SMG1: variants seen among roughly 807,000 people sequenced by gnomAD.
The protein encoded by SMG1 is serine/threonine-protein kinase SMG1.
SMG1 carries 22 observed loss-of-function variants against 419.9 expected under a neutral mutation model. That is an observed-to-expected ratio of 0.05 (90% CI 0.04 to 0.07). SMG1 has a LOEUF of 0.07. SMG1 is among the 10% of genes least tolerant of loss of function. The probability of loss-of-function intolerance (pLI) is 1.00; values close to 1 mark genes in which losing one functional copy is unlikely to be tolerated. For synonymous variants in SMG1, 1,538 were observed against 1,553.5 expected, an observed-to-expected ratio of 0.99 and a Z score of 0.23; for missense variants, 3,185 against 4,342.0, an observed-to-expected ratio of 0.73 and a Z score of 7.49.
rs758644857 is a variant in SMG1 at position 18,850,493 on chromosome 16, C to CTAT, written c.5053-29_5053-27dup. ...CTGAAGAAAAATTGTGCACAAAATG[C>CTAT]TATTTTAAATACAAACTGAAAAGGG... On this transcript the variant is annotated intron_variant, in intron 33 of 62. Transcript: ENST00000446231. 40 of 1,512,290 alleles carry CTAT rather than the reference C, an allele frequency of 2.6e-5. No individual in the cohort carries two copies. In the African/African-American group the frequency reaches 4.7e-4, roughly 18 times the overall value. 93.7% of individuals were successfully genotyped at this position (1,512,290 alleles called of 1,614,324 possible). A position where few individuals can be genotyped will look rare whatever the true frequency, so the allele number is the denominator to read the frequency against.
At chr16:18,861,697 T>C (rs1162599451) in intron 25 of SMG1, among the ~76,000 whole-genome samples, 1 of 152,164 alleles carries the variant, frequency 6.6e-6, no homozygotes, top group East Asian at 1.9e-4. Context: ...CATTAAAAGG[T>C]CCTAAGTCCT....
At chr16:18,912,686 GTAAGT>G (rs1188135686) in intron 1 of SMG1, among the ~76,000 whole-genome samples, 1 of 151,958 alleles carries the variant, frequency 6.6e-6, no homozygotes, top group Non-Finnish European at 1.5e-5. Flanking sequence ...GCTATTAAGT[GTAAGT>G]TAATTTATAA....
intron 1 of SMG1, 136 bp downstream of exon 1, chr16:18,925,814 G>A (rs922179416): frequency 4.9e-5 from 29 of 586,784 alleles, no homozygotes; most frequent in African/African-American, 4.8e-4. Flanking sequence ...CCGGGGCGGA[G>A]GAGACCCAGG....
rs188559863 is a variant in SMG1, at chr16:18,853,599, G to A, written c.4752C>T (p.Ile1584=). The change falls in exon 31 of 63, where the codon ATC becomes ATT. Residue 1584 remains isoleucine (I), a synonymous_variant. Transcript: ENST00000446231. ...VNTMEEEYPR[I]ESESTVHIGV... is the part of the protein sequence containing the mutation. ...CAACTCTACCTGTAGATTCACTCTCGATCCGAGGATACTCTTCTTCCATCG... is the reference window on the plus strand; with the variant it reads ...CAACTCTACCTGTAGATTCACTCTCAATCCGAGGATACTCTTCTTCCATCG... 465 of 1,599,588 alleles carry A rather than the reference G, an allele frequency of 2.9e-4. No homozygotes were observed. Among genetic ancestry groups the A allele is most frequent in the African/African-American group, 9.2e-4 (69 of 74,786 alleles).
At chr16:18,811,243 C>T (rs1324628847) in intron 62 of SMG1, among the ~76,000 whole-genome samples, 2 of 152,064 alleles carry the variant, frequency 1.3e-5, no homozygotes, top group Non-Finnish European at 2.9e-5. Context: ...ATACACATAG[C>T]CTGAAGGTAA....
At chr16:18,835,740 C>G (rs1288085339) in intron 48 of SMG1, among the ~76,000 whole-genome samples, 193 bp downstream of exon 48, 1 of 152,094 alleles carries the variant, frequency 6.6e-6, no homozygotes, top group Non-Finnish European at 1.5e-5. Context: ...CCCGTCTGTA[C>G]TAAAAAGACA....
intron 60 of SMG1, 75 bp downstream of exon 60, chr16:18,815,100 G>C: frequency 1.1e-6 from 1 of 918,192 alleles, no homozygotes; most frequent in Non-Finnish European, 1.7e-6. Flanking sequence ...ATATTAGACA[G>C]TTATGTATAA....
At chr16:18,831,135 C>G (rs2033146663) in intron 51 of SMG1, among the ~76,000 whole-genome samples, 1 of 152,044 alleles carries the variant, frequency 6.6e-6, no homozygotes, top group Non-Finnish European at 1.5e-5. Context: ...AGAAATTCAC[C>G]CCTCACATTA....
chr16:18,854,847 A>T lies in SMG1; in HGVS notation c.4292T>A (p.Phe1431Tyr). The change falls in exon 30 of 63, where the codon TTT becomes TAT. Residue 1431 changes from phenylalanine to tyrosine, a missense_variant. Phe to Tyr is a conservative substitution (Grantham distance 22). Around this residue, in one of 27 missense-constraint regions of SMG1, gnomAD observed 493 missense variants for 552.9 expected, o/e 0.89. Transcript: ENST00000446231. Reference protein sequence around the residue: ...LMELGLTAAKFARKRGNVSLA... With the variant: ...LMELGLTAAKYARKRGNVSLA... ...GGACACATTCCCTCGTTTTCTAGCAAATTTTGCTGCTGTTAGACCTAATTC... is the reference window on the plus strand; with the variant it reads ...GGACACATTCCCTCGTTTTCTAGCATATTTTGCTGCTGTTAGACCTAATTC... 6.2e-7 allele frequency: 1 copy of T among 1,613,980 alleles called. No individual in the cohort carries two copies. Among genetic ancestry groups the T allele is most frequent in the Non-Finnish European group, 8.5e-7 (1 of 1,179,888 alleles).
intron 62 of SMG1, among the ~76,000 whole-genome samples, chr16:18,811,183 A>G (rs1230670858): frequency 6.6e-6 from 1 of 152,046 alleles, no homozygotes; most frequent in Non-Finnish European, 1.5e-5. Context: ...ATAATGAGGA[A>G]CTTGGTGGTG....
chr16:18,908,278 G>C (rs1177393556), intron 1 of SMG1, among the ~76,000 whole-genome samples: 1 of 150,814 alleles, frequency 6.6e-6, no homozygotes, highest in Non-Finnish European at 1.5e-5. Flanking sequence ...TGAGGCAGGA[G>C]AATCGCTTAC....
chr16:18,863,531 A>G, intron 25 of SMG1, 119 bp downstream of exon 25: 1 of 890,734 alleles, frequency 1.1e-6, no homozygotes, highest in South Asian at 1.4e-5. Flanking sequence ...AATGGCAGTA[A>G]GTTAGATATA....
At chr16:18,866,162 GTTCTT>G in intron 23 of SMG1, 1 of 183,984 alleles carries the variant, frequency 5.4e-6, no homozygotes, top group Admixed American at 5.3e-5. Flanking sequence ...AGTATGAGCA[GTTCTT>G]TTATTTTCCT....
intron 3 of SMG1, among the ~76,000 whole-genome samples, chr16:18,893,537 A>G (rs1305690334): frequency 6.6e-6 from 1 of 152,148 alleles, no homozygotes; most frequent in African/African-American, 2.4e-5. Context: ...AGGTGGGAGG[A>G]TCGCTTTAGC....
chr16:18,835,296 T>C (rs569979343), intron 48 of SMG1, 132 bp from the exon 49 acceptor site: 2 of 1,004,134 alleles, frequency 2.0e-6, no homozygotes, highest in East Asian at 5.2e-5. Context: ...TAAAAATGTC[T>C]CAAGAGCTTA....
chr16:18,851,076 C>G (rs916044872), intron 33 of SMG1, among the ~76,000 whole-genome samples: 8 of 152,158 alleles, frequency 5.3e-5, no homozygotes, highest in Non-Finnish European at 8.8e-5. Flanking sequence ...AAAAAATAAG[C>G]ACAATCTGCT....
intron 33 of SMG1, among the ~76,000 whole-genome samples, chr16:18,851,405 A>T (rs13337084): frequency 1.4e-5 from 2 of 146,082 alleles, no homozygotes; most frequent in African/African-American, 5.1e-5. Context: ...ACACACACAC[A>T]CACGCGCACG....
chr16:18,845,637 G>A lies in SMG1; in HGVS notation c.6011C>T (p.Ala2004Val). The change falls in exon 39 of 63, where the codon GCA (alanine) becomes GTA (valine). Residue 2004 changes from alanine to valine, a missense_variant. By Grantham distance (64) the Ala-to-Val change is moderately conservative (BLOSUM62 0). Transcript: ENST00000446231. ...AGCTGTGTGCTTCTCCCTCATGATT[G>A]CAATTTTCTCTTCTCTGACCAAGAA... Reference protein sequence around the residue: ...NNTLRKEEKIAIMREKHTALM... With the variant: ...NNTLRKEEKIVIMREKHTALM... 1.2e-6 allele frequency: 2 copies of A among 1,609,584 alleles called. No homozygotes were observed. The highest frequency in any genetic ancestry group is 1.7e-6 in the Non-Finnish European group (2 of 1,178,156).
chr16:18,874,975 G>C (rs1409035423), intron 13 of SMG1: 1 of 131,080 alleles, frequency 7.6e-6, no homozygotes, highest in Non-Finnish European at 1.5e-5. Context: ...CTTGGGACCA[G>C]AAGTGTTTCA....
Sources: allele counts gnomAD v4.1 joint callset (sites outside exome capture counted in the v4.1 genomes callset), GRCh38; gene constraint gnomAD v4.1.1; regional missense constraint gnomAD v4.1.1; transcripts MANE v1.5; gene names NCBI Gene and HGNC (gene_info 2026-07-23, HGNC 2026-07-21).